PRKCH: variants seen among roughly 807,000 people sequenced by gnomAD.
PRKCH encodes protein kinase C eta type.
PRKCH carries 28 observed loss-of-function variants against 82.5 expected under a neutral mutation model. The observed-to-expected ratio is 0.34, with a 90% CI of 0.25 to 0.47. The LOEUF (loss-of-function observed/expected upper bound fraction) is 0.47, where lower values mean the gene tolerates loss of function less well. Ranked by LOEUF, PRKCH falls within the 20% of genes least tolerant of loss-of-function variation. PRKCH has a pLI of 1.00. For missense variants in PRKCH, 705 were observed against 881.8 expected, an observed-to-expected ratio of 0.80 and a Z score of 2.54; for synonymous variants, 322 against 327.4, an observed-to-expected ratio of 0.98 and a Z score of 0.18.
rs140004923 is a variant in PRKCH, at chr14:61,427,099, G to T, written c.428-16012G>T. ...TCAGAGGGACATAAGACATCAATCAGTACATGTGAGGTATACATTGGTTTG... is the reference window on the plus strand; with the variant it reads ...TCAGAGGGACATAAGACATCAATCATTACATGTGAGGTATACATTGGTTTG... On this transcript the variant is annotated intron_variant, in intron 2 of 13. Coordinates refer to ENST00000332981, the MANE Select transcript of PRKCH (RefSeq NM_006255.5). Among the ~76,000 whole-genome samples, 9 of 152,202 alleles carry T rather than the reference G, an allele frequency of 5.9e-5. No homozygotes were observed. The East Asian group carries it at 1.7e-3, about 29-fold the overall frequency.
intron 1 of PRKCH, among the ~76,000 whole-genome samples, chr14:61,243,240 C>G (rs981837416): frequency 7.9e-5 from 12 of 151,248 alleles, no homozygotes; most frequent in Non-Finnish European, 1.3e-4. Context: ...ACTACAAATA[C>G]AAAAAAAATT....
intron 2 of PRKCH, among the ~76,000 whole-genome samples, chr14:61,399,480 A>G (rs1218741535): frequency 6.6e-6 from 1 of 152,212 alleles, no homozygotes; most frequent in Non-Finnish European, 1.5e-5. Context: ...TGACTAAAGT[A>G]CTGTGCTTCA....
At chr14:61,380,836 C>T (rs912089116) in intron 1 of PRKCH, among the ~76,000 whole-genome samples, 8 of 152,142 alleles carry the variant, frequency 5.3e-5, no homozygotes, top group South Asian at 2.1e-4. Context: ...TTTTTTACTA[C>T]GGGCAGAAAA....
At chr14:61,275,949 G>A (rs1274832624) in intron 1 of PRKCH, among the ~76,000 whole-genome samples, 1 of 152,168 alleles carries the variant, frequency 6.6e-6, no homozygotes, top group Non-Finnish European at 1.5e-5. Context: ...AATGCAAGGT[G>A]GCAAAGCAGT....
intron 10 of PRKCH, chr14:61,525,230 T>G (rs2042950929): frequency 6.6e-6 from 1 of 152,118 alleles, no homozygotes; most frequent in African/African-American, 2.4e-5. Flanking sequence ...AGAGCAGGTA[T>G]GAGATACTTG....
At chr14:61,204,693 C>T (rs1327931691) in intron 1 of PRKCH, among the ~76,000 whole-genome samples, 1 of 148,070 alleles carries the variant, frequency 6.8e-6, no homozygotes, top group African/African-American at 2.5e-5. Flanking sequence ...CACAGGAGGT[C>T]AAGGCTGCAG....
At chr14:61,507,552 A>G (rs1387703030) in intron 10 of PRKCH, among the ~76,000 whole-genome samples, 2 of 152,180 alleles carry the variant, frequency 1.3e-5, no homozygotes, top group Non-Finnish European at 2.9e-5. Flanking sequence ...CTGCAGACAA[A>G]TAGATAAAGA....
At chr14:61,254,004 TC>T (rs2044973603) in intron 1 of PRKCH, among the ~76,000 whole-genome samples, 1 of 51,256 alleles carries the variant, frequency 2.0e-5, no homozygotes. Context: ...CCTCCCTCCC[TC>T]CCTCCCTTCC....
intron 4 of PRKCH, among the ~76,000 whole-genome samples, chr14:61,446,329 G>A (rs1192929887): frequency 1.3e-5 from 2 of 152,268 alleles, no homozygotes; most frequent in African/African-American, 2.4e-5. Context: ...AGGAATGGAA[G>A]AAGAGCCCTC....
At chr14:61,224,211 A>C (rs2044678217) in intron 1 of PRKCH, among the ~76,000 whole-genome samples, 1 of 152,086 alleles carries the variant, frequency 6.6e-6, no homozygotes, top group African/African-American at 2.4e-5. Flanking sequence ...TTTTTTAATA[A>C]AATTTTTTAT....
At chr14:61,511,504 T>C (rs1009579899) in intron 10 of PRKCH, among the ~76,000 whole-genome samples, 1 of 152,192 alleles carries the variant, frequency 6.6e-6, no homozygotes, top group Non-Finnish European at 1.5e-5. Flanking sequence ...TCTGAGGGCC[T>C]GGCAGGGTGA....
intron 13 of PRKCH, 66 bp from the exon 14 acceptor site, chr14:61,549,616 TATC>T: frequency 6.5e-7 from 1 of 1,546,458 alleles, no homozygotes; most frequent in South Asian, 1.1e-5. Flanking sequence ...GAATGGGCTA[TATC>T]CCATGCAAGA....
intron 2 of PRKCH, among the ~76,000 whole-genome samples, chr14:61,441,325 C>T (rs1883959651): frequency 6.6e-6 from 1 of 152,124 alleles, no homozygotes; most frequent in African/African-American, 2.4e-5. Context: ...TAGATGGGAA[C>T]CCTGAGGCTT....
chr14:61,234,084 T>C (rs1269806669), intron 1 of PRKCH, among the ~76,000 whole-genome samples: 1 of 152,218 alleles, frequency 6.6e-6, no homozygotes, highest in East Asian at 1.9e-4. Context: ...TTAGATAAGG[T>C]AATATTATGC....
At chr14:61,284,202 C>G (rs1292639451) in intron 1 of PRKCH, among the ~76,000 whole-genome samples, 1 of 152,214 alleles carries the variant, frequency 6.6e-6, no homozygotes, top group Non-Finnish European at 1.5e-5. Context: ...GGGTATTGGG[C>G]TCCCGCACCT....
chr14:61,340,947 A>C (rs187358193), intron 1 of PRKCH, among the ~76,000 whole-genome samples: 2 of 152,132 alleles, frequency 1.3e-5, no homozygotes, highest in Non-Finnish European at 2.9e-5. Context: ...TTTCTGACTC[A>C]ATTTCTTCTT....
rs752044064 is a variant in PRKCH at position 61,529,109 on chromosome 14, G to A, written c.1468G>A (p.Glu490Lys). Residue 490 changes from glutamate (E) to lysine (K), a missense_variant, in exon 11 of 14, where the codon GAG becomes AAG. Physicochemically the swap from Glu to Lys is moderately conservative, Grantham distance 56 (BLOSUM62 1). Transcript: ENST00000332981. ...ACTGGACAATGTCCTGTTGGACCACGAGGGTCACTGTAAACTGGCAGACTT... is the reference window on the plus strand; with the variant it reads ...ACTGGACAATGTCCTGTTGGACCACAAGGGTCACTGTAAACTGGCAGACTT... ...LKLDNVLLDH[E>K]GHCKLADFGM... 3.7e-6 allele frequency: 6 copies of A among 1,613,796 alleles called. No individual in the cohort carries two copies. The highest frequency in any genetic ancestry group is 1.1e-5 in the South Asian group (1 of 91,056).
chr14:61,422,659 T>A (rs1335706697), intron 2 of PRKCH, among the ~76,000 whole-genome samples: 2 of 152,216 alleles, frequency 1.3e-5, no homozygotes, highest in Admixed American at 1.3e-4. Flanking sequence ...AAAGCAGCAA[T>A]TGCTTTTGTA....
intron 9 of PRKCH, among the ~76,000 whole-genome samples, chr14:61,472,451 T>C (rs2140313274): frequency 6.6e-6 from 1 of 151,998 alleles, no homozygotes; most frequent in South Asian, 2.1e-4. Flanking sequence ...ATAATCAGAG[T>C]TTTGCAAAAT....
Sources: allele counts gnomAD v4.1 joint callset (sites outside exome capture counted in the v4.1 genomes callset), GRCh38; gene constraint gnomAD v4.1.1; transcripts MANE v1.5; gene names NCBI Gene and HGNC (gene_info 2026-07-23, HGNC 2026-07-21).